Variants in CDKL5 observed in about 807,000 individuals in gnomAD.
The protein encoded by CDKL5 is cyclin dependent kinase like 5.
Under a neutral mutation model 61.7 loss-of-function variants are expected in CDKL5, and 8 were observed. That is an observed-to-expected ratio of 0.13 (90% CI 0.08 to 0.23). The LOEUF is 0.23. Ranked by LOEUF, CDKL5 falls within the 10% of genes least tolerant of loss-of-function variation. The pLI is 1.00. For missense variants in CDKL5, 440 were observed against 734.5 expected (o/e 0.60, Z 4.63); for synonymous variants, 275 against 272.3 (o/e 1.01, Z -0.10).
downstream of CDKL5, among the ~76,000 whole-genome samples, chrX:18,642,312 T>C (rs1326617245): frequency 1.8e-5 from 2 of 112,032 alleles, no homozygotes; most frequent in African/African-American, 6.5e-5. Flanking sequence ...CCTTGAGTGA[T>C]TGTCATCACA....
intron 12 of CDKL5, among the ~76,000 whole-genome samples, chrX:18,608,316 T>C (rs1602288915): frequency 8.9e-6 from 1 of 112,160 alleles, no homozygotes; most frequent in South Asian, 3.7e-4. Context: ...CACAAAAAAT[T>C]ATTAAAAGGA....
rs1223353833 is a variant in CDKL5 at position 18,619,872 on chromosome X, G to C, written c.2282G>C (p.Ser761Thr). Reference sequence around the variant, plus strand: ...AAAAATGTCTTCTCATTTAGGAAAAGTCCTGAAAATATTAGTCATTCAGAG... The same window carrying C: ...AAAAATGTCTTCTCATTTAGGAAAACTCCTGAAAATATTAGTCATTCAGAG... ...KRQPAFDPWK[S>T]PENISHSEQL... is the part of the protein sequence containing the mutation. Residue 761 changes from serine to threonine, a missense_variant, in exon 16 of 18, where the codon AGT becomes ACT. Transcript: ENST00000623535. The C allele has an allele frequency of 8.6e-7, 1 of 1,161,343 alleles. No homozygotes were observed. Among genetic ancestry groups the C allele is most frequent in the East Asian group, 3.0e-5 (1 of 33,526 alleles).
At chrX:18,648,882 G>C (rs1387250564) in intron 20 of CDKL5, among the ~76,000 whole-genome samples, 2 of 109,742 alleles carry the variant, frequency 1.8e-5, no homozygotes, top group Admixed American at 2.0e-4. Context: ...TTCAAGACCA[G>C]CCTGGGGCAA....
intron 2 of CDKL5, among the ~76,000 whole-genome samples, chrX:18,509,192 A>AACACACACACACACAC (rs1183838846): frequency 6.7e-5 from 3 of 45,002 alleles, no homozygotes; most frequent in African/African-American, 9.5e-5. Context: ...ACTGTCTCAA[A>AACACACACACACACAC]ACACGCACAC....
At chrX:18,561,597 A>G (rs988743068) in intron 3 of CDKL5, among the ~76,000 whole-genome samples, 3 of 111,235 alleles carry the variant, frequency 2.7e-5, no homozygotes. Context: ...CAATACTTTA[A>G]AAACTGGTTC....
At chrX:18,499,399 C>A (rs192938222) in intron 1 of CDKL5, among the ~76,000 whole-genome samples, 1 of 95,767 alleles carries the variant, frequency 1.0e-5, no homozygotes, top group African/African-American at 3.9e-5. Flanking sequence ...CTCGCTCTGT[C>A]GCCGAGGCTA....
intron 3 of CDKL5, among the ~76,000 whole-genome samples, chrX:18,536,432 GTTTTTTTTTT>G (rs746308567): frequency 1.5e-4 from 6 of 40,556 alleles, no homozygotes; most frequent in African/African-American, 5.2e-4. Flanking sequence ...TTCAATACAG[GTTTTTTTTTT>G]TTTTTTTTTT....
At chrX:18,441,552 T>G (rs1422418966) in intron 1 of CDKL5, among the ~76,000 whole-genome samples, 1 of 111,504 alleles carries the variant, frequency 9.0e-6, no homozygotes, top group Non-Finnish European at 1.9e-5. Flanking sequence ...TGGGTGGTGG[T>G]GGGGGGGCTT....
At chrX:18,619,789 C>T (rs1177328580) in intron 15 of CDKL5, 78 bp from the exon 16 acceptor site, 1 of 658,592 alleles carries the variant, frequency 1.5e-6, no homozygotes, top group Admixed American at 2.8e-5. Flanking sequence ...CATGCATTTT[C>T]AGTCCTTATT....
chrX:18,537,156 G>C (rs974109531), intron 3 of CDKL5, among the ~76,000 whole-genome samples: 1 of 110,789 alleles, frequency 9.0e-6, no homozygotes, highest in African/African-American at 3.3e-5. Flanking sequence ...CAGTCTCTTG[G>C]CTAAATTTCC....
intron 1 of CDKL5, among the ~76,000 whole-genome samples, chrX:18,439,610 G>A (rs1931692241): frequency 9.0e-6 from 1 of 111,056 alleles, no homozygotes; most frequent in Admixed American, 9.7e-5. Context: ...GGCCAAGGCA[G>A]GCAGATCACC....
chrX:18,534,062 A>C (rs150324661), intron 3 of CDKL5, among the ~76,000 whole-genome samples: 1 of 112,152 alleles, frequency 8.9e-6, no homozygotes, highest in Non-Finnish European at 1.9e-5. Flanking sequence ...CTGCTCTGGC[A>C]TCAGTCTCAG....
chrX:18,628,446 C>G lies in CDKL5; in HGVS notation c.2572C>G (p.Arg858Gly). 1 of 1,211,683 alleles carries G rather than the reference C, an allele frequency of 8.3e-7. No homozygotes were observed. Among genetic ancestry groups the G allele is most frequent in the Non-Finnish European group, 1.1e-6 (1 of 895,189 alleles). The change falls in exon 18 of 18, where the codon CGC (arginine) becomes GGC (glycine). Residue 858 changes from arginine (R) to glycine (G), a missense_variant. Coordinates refer to ENST00000623535, the MANE Select transcript of CDKL5 (RefSeq NM_001323289.2). ...AAATCACCCGGCTTCCTCAGATCCCCGCTTCCAGCCCTTAACAGCTCAACA... is the reference window on the plus strand; with the variant it reads ...AAATCACCCGGCTTCCTCAGATCCCGGCTTCCAGCCCTTAACAGCTCAACA... ...ASNHPASSDP[R>G]FQPLTAQQTK...
intron 15 of CDKL5, among the ~76,000 whole-genome samples, chrX:18,617,668 G>A (rs750729050): frequency 1.8e-5 from 2 of 112,064 alleles, no homozygotes; most frequent in South Asian, 3.7e-4. Context: ...ATAGCTTCTC[G>A]CTTGTTTTGT....
chrX:18,434,217 T>G (rs923910582), intron 1 of CDKL5, among the ~76,000 whole-genome samples: 2 of 111,806 alleles, frequency 1.8e-5, no homozygotes. Flanking sequence ...GGATGTTATT[T>G]TTTTGGGTAC....
chrX:18,648,061 G>A (rs1243589264), intron 20 of CDKL5, among the ~76,000 whole-genome samples: 1 of 110,828 alleles, frequency 9.0e-6, no homozygotes, highest in Admixed American at 9.5e-5. Context: ...TTGAGGCTGG[G>A]CACGGTGACT....
chrX:18,645,464 C>T (rs1030046815), intron 19 of CDKL5, among the ~76,000 whole-genome samples: 2 of 110,121 alleles, frequency 1.8e-5, no homozygotes, highest in African/African-American at 3.3e-5. Context: ...TCAGACCCCA[C>T]GTCTCTGAGT....
intron 12 of CDKL5, among the ~76,000 whole-genome samples, chrX:18,607,795 A>G (rs1926412750): frequency 8.9e-6 from 1 of 112,086 alleles, no homozygotes; most frequent in Admixed American, 9.5e-5. Context: ...ATTTTTGTAG[A>G]GGCCTTTGTA....
intron 1 of CDKL5, among the ~76,000 whole-genome samples, chrX:18,432,309 G>A (rs768539724): frequency 1.3e-4 from 14 of 109,157 alleles, no homozygotes; most frequent in African/African-American, 4.3e-4. Flanking sequence ...TGTTGGCCAG[G>A]CTGGTCTTGA....
Sources: allele counts gnomAD v4.1 joint callset (sites outside exome capture counted in the v4.1 genomes callset), GRCh38; gene constraint gnomAD v4.1.1; transcripts MANE v1.5; gene names NCBI Gene and HGNC (gene_info 2026-07-23, HGNC 2026-07-21).